The following TAOK3 variants were observed in gnomAD, a reference collection of about 807,000 sequenced individuals.
TAOK3 encodes TAO kinase 3, also known as serine/threonine-protein kinase TAO3.
A neutral mutation model predicts 120.4 loss-of-function variants in TAOK3; 40 were observed. The ratio of observed to expected loss-of-function variants is 0.33; its 90% CI spans 0.26 to 0.43. TAOK3 has a LOEUF of 0.43. Ranked by LOEUF, TAOK3 falls within the 20% of genes least tolerant of loss-of-function variation. The pLI is 1.00. For missense variants in TAOK3, 821 were observed against 1,112.1 expected (o/e 0.74, Z 3.72); for synonymous variants, 355 against 387.5 (o/e 0.92, Z 0.99).
At chr12:118,325,482 T>C (rs1420745013) in intron 1 of TAOK3, among the ~76,000 whole-genome samples, 2 of 152,242 alleles carry the variant, frequency 1.3e-5, no homozygotes, top group Non-Finnish European at 2.9e-5. Flanking sequence ...TGATTAATGA[T>C]GCTGGGCATT....
intron 2 of TAOK3, among the ~76,000 whole-genome samples, chr12:118,262,339 C>A (rs964606484): frequency 2.6e-5 from 4 of 151,470 alleles, no homozygotes; most frequent in African/African-American, 9.7e-5. Flanking sequence ...AATAATTAGC[C>A]GGGCGTGGTG....
chr12:118,213,270 A>G (rs1479430912), intron 10 of TAOK3, among the ~76,000 whole-genome samples: 3 of 152,166 alleles, frequency 2.0e-5, no homozygotes, highest in Non-Finnish European at 4.4e-5. Flanking sequence ...CAAAAATACT[A>G]TGTTTAAATA....
Position 118,195,827 on chromosome 12 carries a change from G to T in TAOK3, c.1194+3224C>A, listed in dbSNP as rs545254270. On this transcript the variant is annotated intron_variant, in intron 13 of 20. Transcript: ENST00000392533. ...GCACTTTGGGAGGCCAAAGAGGGTG[G>T]ATCACGAGGTCAGGAGATCGAGACC... 2.6e-5 allele frequency among the ~76,000 whole-genome samples: 4 copies of T among 152,222 alleles called. No individual in the cohort carries two copies. In the South Asian group the frequency reaches 8.3e-4, roughly 32 times the overall value.
At chr12:118,174,818 C>G (rs1182887964) in intron 16 of TAOK3, among the ~76,000 whole-genome samples, 3 of 152,068 alleles carry the variant, frequency 2.0e-5, no homozygotes, top group Non-Finnish European at 2.9e-5. Context: ...CGCCCGCCAT[C>G]AAGCTCAGCT....
At chr12:118,353,252 G>T (rs1197636830) in intron 1 of TAOK3, among the ~76,000 whole-genome samples, 1 of 152,092 alleles carries the variant, frequency 6.6e-6, no homozygotes, top group Non-Finnish European at 1.5e-5. Flanking sequence ...AATAGTAGGA[G>T]TAGGAAAAGC....
chr12:118,252,413 T>A (rs1033390328), intron 3 of TAOK3, among the ~76,000 whole-genome samples: 1 of 152,026 alleles, frequency 6.6e-6, no homozygotes, highest in African/African-American at 2.4e-5. Flanking sequence ...TGGTGGATAC[T>A]CTTAAGGGGA....
intron 1 of TAOK3, among the ~76,000 whole-genome samples, chr12:118,342,732 G>A (rs975280391): frequency 7.2e-5 from 11 of 151,986 alleles, no homozygotes; most frequent in Non-Finnish European, 1.2e-4. Context: ...TCAGGAGTTC[G>A]AGACCAGCCA....
intron 1 of TAOK3, among the ~76,000 whole-genome samples, chr12:118,279,974 C>T (rs1475743459): frequency 6.6e-6 from 1 of 151,536 alleles, no homozygotes; most frequent in Non-Finnish European, 1.5e-5. Context: ...ACTATGTTGG[C>T]CAAGCAGGTC....
At chr12:118,243,219 T>C (rs2040331505) in intron 5 of TAOK3, among the ~76,000 whole-genome samples, 196 bp downstream of exon 5, 1 of 152,162 alleles carries the variant, frequency 6.6e-6, no homozygotes, top group African/African-American at 2.4e-5. Flanking sequence ...GAATTTCTAA[T>C]AGGCTAGATA....
intron 3 of TAOK3, among the ~76,000 whole-genome samples, chr12:118,252,117 G>T (rs920821417): frequency 1.3e-5 from 2 of 152,188 alleles, no homozygotes; most frequent in African/African-American, 2.4e-5. Flanking sequence ...ACTGCACCCG[G>T]CCTTGGCTGC....
intron 1 of TAOK3, among the ~76,000 whole-genome samples, chr12:118,278,412 G>C (rs1363046060): frequency 6.6e-6 from 1 of 152,092 alleles, no homozygotes; most frequent in East Asian, 1.9e-4. Flanking sequence ...TTCTGTTCCT[G>C]TGTTAGTTCA....
At chr12:118,246,530 C>G (rs1046122969) in intron 3 of TAOK3, 1 of 1,547,204 alleles carries the variant, frequency 6.5e-7, no homozygotes, top group African/African-American at 1.4e-5. Flanking sequence ...AGGTGGCCAC[C>G]GCCATCCGTG....
At chr12:118,264,587 T>A (rs1593342545) in intron 2 of TAOK3, among the ~76,000 whole-genome samples, 1 of 151,992 alleles carries the variant, frequency 6.6e-6, no homozygotes, top group Non-Finnish European at 1.5e-5. Flanking sequence ...AAGGAGTAGG[T>A]AGGAGGGGCT....
intron 1 of TAOK3, among the ~76,000 whole-genome samples, chr12:118,319,748 G>A (rs1593528475): frequency 6.6e-6 from 1 of 152,218 alleles, no homozygotes; most frequent in African/African-American, 2.4e-5. Flanking sequence ...CACTGCTGGT[G>A]GGAATATAAA....
At chr12:118,152,039 C>G (rs761601191) in intron 20 of TAOK3, among the ~76,000 whole-genome samples, 188 bp downstream of exon 20, 1 of 152,138 alleles carries the variant, frequency 6.6e-6, no homozygotes, top group Non-Finnish European at 1.5e-5. Context: ...GTCAGACATG[C>G]GTGCCTTGGT....
At chr12:118,229,496 C>A (rs1459759412) in intron 9 of TAOK3, among the ~76,000 whole-genome samples, 3 of 152,046 alleles carry the variant, frequency 2.0e-5, no homozygotes, top group Non-Finnish European at 2.9e-5. Context: ...TTCTCCTAGT[C>A]CATAGCTTGT....
At chr12:118,199,790 G>A (rs1040128149) in intron 12 of TAOK3, 1 of 158,948 alleles carries the variant, frequency 6.3e-6, no homozygotes, top group Non-Finnish European at 1.4e-5. Context: ...TTCCTGGACA[G>A]GTAATTAAAG....
intron 4 of TAOK3, among the ~76,000 whole-genome samples, chr12:118,243,740 G>A (rs1234006963): frequency 6.6e-6 from 1 of 152,024 alleles, no homozygotes; most frequent in African/African-American, 2.4e-5. Flanking sequence ...GCAGTGGCAC[G>A]ATCTCGGCTC....
At chr12:118,249,595 G>A (rs566060782) in intron 3 of TAOK3, among the ~76,000 whole-genome samples, 1 of 151,424 alleles carries the variant, frequency 6.6e-6, no homozygotes, top group Non-Finnish European at 1.5e-5. Flanking sequence ...GGCTGAGGCA[G>A]GAGGATCACT....
Sources: gnomAD v4.1 joint callset for allele counts (sites outside exome capture counted in the v4.1 genomes callset) on GRCh38, gnomAD v4.1.1 for gene constraint, MANE v1.5 for transcripts, NCBI Gene and HGNC (gene_info 2026-07-23, HGNC 2026-07-21) for gene names.